Variants in STAT4 observed in about 807,000 individuals in gnomAD.
STAT4 encodes the protein signal transducer and activator of transcription 4.
In STAT4, 42 loss-of-function variants were observed where a neutral mutation model predicts 110.5. The ratio of observed to expected loss-of-function variants is 0.38; its 90% CI spans 0.30 to 0.49. The LOEUF is 0.49. Among genes scored for constraint, STAT4 ranks in the 20% least tolerant of loss-of-function variants. STAT4 has a pLI of 0.95. For synonymous variants in STAT4, 284 were observed against 302.2 expected (o/e 0.94, Z 0.63); for missense variants, 632 against 887.9 (o/e 0.71, Z 3.66).
Position 191,117,607 on chromosome 2 carries a change from G to C in STAT4, c.273+29006C>G, listed in dbSNP as rs113847111. Among the ~76,000 whole-genome samples, 3 of 152,318 alleles carry C rather than the reference G, an allele frequency of 2.0e-5. No homozygotes were observed. Among genetic ancestry groups the C allele is most frequent in the African/African-American group, 7.2e-5 (3 of 41,576 alleles). On this transcript the variant is annotated intron_variant, in intron 3 of 23. Coordinates refer to ENST00000392320, the MANE Select transcript of STAT4 (RefSeq NM_003151.4). The surrounding 1 kb of genome is among the most constrained non-coding windows in gnomAD (Gnocchi z 5.2). The stretch of plus-strand genomic sequence containing the variant: ...TCGATGTGGATTTTAATGACACATA[G>C]AGAAGGACATGGGCTGCAACTTGAA...
At chr2:191,069,618 C>A in intron 6 of STAT4, 75 bp downstream of exon 6, 1 of 1,146,612 alleles carries the variant, frequency 8.7e-7, no homozygotes, top group Non-Finnish European at 1.3e-6. Context: ...AATTTATCCA[C>A]TCTGTCAGTG....
chr2:191,151,029 C>G (rs2125471852), upstream of STAT4: 1 of 985,640 alleles, frequency 1.0e-6, no homozygotes, highest in Non-Finnish European at 1.2e-6. The surrounding 1 kb of genome is among the most constrained non-coding windows in gnomAD (Gnocchi z 4.7). Context: ...GAGAAAGCCG[C>G]TGACGCCATC....
chr2:191,058,006 T>C lies in STAT4; in HGVS notation c.1206+12A>G, dbSNP rs1252089099. On this transcript the variant is annotated intron_variant, in intron 13 of 23. Coordinates refer to ENST00000392320, the MANE Select transcript of STAT4 (RefSeq NM_003151.4). The surrounding 1 kb of genome is among the most constrained non-coding windows in gnomAD (Gnocchi z 4.3). ...GAAAAAAAAGCCTGTTTAACTTTACTGCCAAACTTACCAAATGTCGAAATT... is the reference window on the plus strand; with the variant it reads ...GAAAAAAAAGCCTGTTTAACTTTACCGCCAAACTTACCAAATGTCGAAATT... 1.2e-6 allele frequency: 2 copies of C among 1,610,638 alleles called. No homozygotes were observed. Among genetic ancestry groups the C allele is most frequent in the Non-Finnish European group, 1.7e-6 (2 of 1,177,066 alleles).
At chr2:191,100,712 C>T (rs941093487) in intron 3 of STAT4, among the ~76,000 whole-genome samples, 1 of 151,804 alleles carries the variant, frequency 6.6e-6, no homozygotes, top group Non-Finnish European at 1.5e-5. Context: ...TTTCTCCTAT[C>T]ATCTTGGATA....
At position 191,039,640 on chromosome 2, in the gene STAT4, C is replaced by A. The variant is rs1696134613; in HGVS notation, c.1336-343G>T. 6.6e-6 allele frequency among the ~76,000 whole-genome samples: 1 copy of A among 152,214 alleles called. No homozygotes were observed. On this transcript the variant is annotated intron_variant, in intron 15 of 23. Coordinates refer to ENST00000392320, the MANE Select transcript of STAT4 (RefSeq NM_003151.4). The surrounding 1 kb of genome is among the most constrained non-coding windows in gnomAD (Gnocchi z 4.7). Reference sequence around the variant, plus strand: ...GAGAGTCTATTGAATTAGCAACAATCTTCTCTATAAGTTAAATAAAAGAAT... The same window carrying A: ...GAGAGTCTATTGAATTAGCAACAATATTCTCTATAAGTTAAATAAAAGAAT...
rs879493342 is a variant in STAT4 at position 191,082,514 on chromosome 2, C to T, written c.274-6189G>A. ...CGATGTTGTGATTGCCACATGGCAA[C>T]AGCAATTAAGAGGTGTTATTGATTA... On this transcript the variant is annotated intron_variant, in intron 3 of 23. Transcript: ENST00000392320. This position sits in a 1 kb window ranked among gnomAD's most constrained non-coding sequence, Gnocchi z 4.7. Among the ~76,000 whole-genome samples the T allele has an allele frequency of 7.9e-5, 12 of 152,332 alleles. No homozygotes were observed. Among genetic ancestry groups the T allele is most frequent in the Middle Eastern group, 3.4e-3 (1 of 294 alleles).
rs114258512 is a variant in STAT4 at position 191,135,028 on chromosome 2, C to A, written c.273+11585G>T. ...TAACTAGAAAAGCAAGAAAAAAAAA[C>A]CGAAATTAGTGGAAGGAAAGAATTA... On this transcript the variant is annotated intron_variant, in intron 3 of 23. Coordinates refer to ENST00000392320, the MANE Select transcript of STAT4 (RefSeq NM_003151.4). The surrounding 1 kb of genome is among the most constrained non-coding windows in gnomAD (Gnocchi z 4.8). Among the ~76,000 whole-genome samples the A allele has an allele frequency of 7.0e-3, 1,051 of 150,472 alleles. 7 individuals are homozygous for A. Among genetic ancestry groups the A allele is most frequent in the Non-Finnish European group, 0.011 (741 of 67,510 alleles).
At chr2:191,119,480 A>G (rs950426760) in intron 3 of STAT4, among the ~76,000 whole-genome samples, 4 of 152,336 alleles carry the variant, frequency 2.6e-5, no homozygotes, top group East Asian at 1.9e-4. Flanking sequence ...ATAAGACATG[A>G]AAGACTTACC....
At position 191,070,179 on chromosome 2, in the gene STAT4, C is replaced by G. The variant is rs117820973; in HGVS notation, c.466-408G>C. The stretch of plus-strand genomic sequence containing the variant: ...TTGCTGAAATCTTCATTTAAATATG[C>G]TGTAGCTTATGACAATTCAGCTTAA... On this transcript the variant is annotated intron_variant, in intron 5 of 23. Transcript: ENST00000392320. Among the ~76,000 whole-genome samples, 1,323 of 152,230 alleles carry G rather than the reference C, an allele frequency of 8.7e-3. 9 individuals carry two copies. The highest frequency in any genetic ancestry group is 0.032 in the East Asian group (164 of 5,182).
At chr2:191,034,510 A>G (rs780464694) in intron 18 of STAT4, 38 bp downstream of exon 18, 66 of 1,544,140 alleles carry the variant, frequency 4.3e-5, no homozygotes, top group Non-Finnish European at 5.7e-5. Flanking sequence ...TTGTATTAAA[A>G]AAATGTATCT....
Position 191,140,225 on chromosome 2 carries a change from C to CA in STAT4, c.273+6387dup, listed in dbSNP as rs1046269514. Among the ~76,000 whole-genome samples, 1 of 152,102 alleles carries CA rather than the reference C, an allele frequency of 6.6e-6. No individual in the cohort carries two copies. Among genetic ancestry groups the CA allele is most frequent in the East Asian group, 1.9e-4 (1 of 5,190 alleles). ...GCTAAGACCCCACAAGCAAATGCAA[C>CA]AAAAACAAAGATAAATAGATGGGAC... On this transcript the variant is annotated intron_variant, in intron 3 of 23. Coordinates refer to ENST00000392320, the MANE Select transcript of STAT4 (RefSeq NM_003151.4). The surrounding 1 kb of genome is among the most constrained non-coding windows in gnomAD (Gnocchi z 4.4).
chr2:191,088,183 A>C (rs576256338), intron 3 of STAT4, among the ~76,000 whole-genome samples: 50 of 152,318 alleles, frequency 3.3e-4, no homozygotes, highest in African/African-American at 1.1e-3. Flanking sequence ...ACAACAACAA[A>C]AAAAGCCTCC....
Position 191,138,750 on chromosome 2 carries a change from C to A in STAT4, c.273+7863G>T, listed in dbSNP as rs778571347. Among the ~76,000 whole-genome samples, 6 of 152,160 alleles carry A rather than the reference C, an allele frequency of 3.9e-5. No homozygotes were observed. The highest frequency in any genetic ancestry group is 7.3e-5 in the Non-Finnish European group (5 of 68,028). ...GTGAAAGAGGGAATTCTCTCTAAATCATTCCATGAAGCCAGTATCACCCTA... is the reference window on the plus strand; with the variant it reads ...GTGAAAGAGGGAATTCTCTCTAAATAATTCCATGAAGCCAGTATCACCCTA... On this transcript the variant is annotated intron_variant, in intron 3 of 23. Coordinates refer to ENST00000392320, the MANE Select transcript of STAT4 (RefSeq NM_003151.4). This position sits in a 1 kb window ranked among gnomAD's most constrained non-coding sequence, Gnocchi z 4.3.
rs1695900616 is a variant in STAT4 at position 191,031,700 on chromosome 2, T to C, written c.2045-184A>G. ...CAATCTTTTAGATAAGCATAAAATGTGCAAGAAGAGAAAAACAAATCTCTT... is the reference window on the plus strand; with the variant it reads ...CAATCTTTTAGATAAGCATAAAATGCGCAAGAAGAGAAAAACAAATCTCTT... On this transcript the variant is annotated intron_variant, in intron 21 of 23. Coordinates refer to ENST00000392320, the MANE Select transcript of STAT4 (RefSeq NM_003151.4). The surrounding 1 kb of genome is among the most constrained non-coding windows in gnomAD (Gnocchi z 4.8). 6.6e-6 allele frequency among the ~76,000 whole-genome samples: 1 copy of C among 152,182 alleles called. No individual in the cohort carries two copies. Among genetic ancestry groups the C allele is most frequent in the African/African-American group, 2.4e-5 (1 of 41,438 alleles).
At chr2:191,076,040 G>C (rs1349403135) in intron 4 of STAT4, 187 bp downstream of exon 4, 1 of 492,476 alleles carries the variant, frequency 2.0e-6, no homozygotes, top group Admixed American at 3.3e-5. Flanking sequence ...TTTTTTTGGA[G>C]ACAGGGTCTT....
intron 3 of STAT4, among the ~76,000 whole-genome samples, chr2:191,128,071 A>G (rs995726100): frequency 2.1e-5 from 3 of 140,768 alleles, no homozygotes; most frequent in Non-Finnish European, 3.1e-5. Flanking sequence ...CTTGACAACT[A>G]ATTCACATTT....
At position 191,036,240 on chromosome 2, in the gene STAT4, C is replaced by G; in HGVS notation, c.1494G>C (p.Met498Ile). The change falls in exon 17 of 24, where the codon ATG (methionine) becomes ATC (isoleucine). Residue 498 changes from methionine to isoleucine, a missense_variant. Coordinates refer to ENST00000392320, the MANE Select transcript of STAT4 (RefSeq NM_003151.4). The part of the protein sequence containing the change: ...PATLSQLLEV[M>I]SWQFSSYVGR... Reference sequence around the variant, plus strand: ...CAACGTACGATGAAAACTGCCAGCTCATCACCTCCAGTAGTTGACTCAATG... The same window carrying G: ...CAACGTACGATGAAAACTGCCAGCTGATCACCTCCAGTAGTTGACTCAATG... The G allele has an allele frequency of 6.2e-7, 1 of 1,614,128 alleles. No individual in the cohort carries two copies. Among genetic ancestry groups the G allele is most frequent in the Non-Finnish European group, 8.5e-7 (1 of 1,180,026 alleles).
chr2:191,054,367 A>G, intron 14 of STAT4, 123 bp downstream of exon 14: 2 of 803,450 alleles, frequency 2.5e-6, no homozygotes, highest in Admixed American at 2.7e-5. Context: ...CAAGCTTTAC[A>G]TCTATAATGA....
rs1698491088 is a variant in STAT4 at position 191,113,761 on chromosome 2, C to G, written c.273+32852G>C. Among the ~76,000 whole-genome samples, 1 of 152,150 alleles carries G rather than the reference C, an allele frequency of 6.6e-6. No individual in the cohort carries two copies. Among genetic ancestry groups the G allele is most frequent in the Admixed American group, 6.5e-5 (1 of 15,280 alleles). On this transcript the variant is annotated intron_variant, in intron 3 of 23. Transcript: ENST00000392320. This position sits in a 1 kb window ranked among gnomAD's most constrained non-coding sequence, Gnocchi z 4.8. ...TTACGGAAACCAGTATAAAGAAAATCTGTGAAAATTCCTTATTTTTTAAAA... is the reference window on the plus strand; with the variant it reads ...TTACGGAAACCAGTATAAAGAAAATGTGTGAAAATTCCTTATTTTTTAAAA...
Sources: gnomAD v4.1 joint callset for allele counts (sites outside exome capture counted in the v4.1 genomes callset) on GRCh38, gnomAD v4.1.1 for gene constraint, Gnocchi (gnomAD v3.1) non-coding constraint, MANE v1.5 for transcripts, NCBI Gene and HGNC (gene_info 2026-07-23, HGNC 2026-07-21) for gene names.